The following SETD3 variants were observed in gnomAD, a reference collection of about 807,000 sequenced individuals.
The protein encoded by SETD3 is SET domain containing 3, actin N3(tau)-histidine methyltransferase.
A neutral mutation model predicts 63.0 loss-of-function variants in SETD3; 19 were observed. That is an observed-to-expected ratio of 0.30 (90% CI 0.21 to 0.44). The LOEUF is 0.44. Ranked by LOEUF, SETD3 falls within the 20% of genes least tolerant of loss-of-function variation. SETD3 has a pLI of 1.00. For missense variants in SETD3, 587 were observed against 728.5 expected (o/e 0.81, Z 2.24); for synonymous variants, 286 against 264.1 (o/e 1.08, Z -0.80).
intron 6 of SETD3, among the ~76,000 whole-genome samples, chr14:99,449,710 T>C (rs1015483180): frequency 4.6e-5 from 7 of 152,216 alleles, no homozygotes; most frequent in African/African-American, 1.7e-4. Context: ...CTGGTGAAAT[T>C]CAAACAAGGT....
chr14:99,424,115 T>C (rs527800839), intron 6 of SETD3, among the ~76,000 whole-genome samples: 32 of 152,328 alleles, frequency 2.1e-4, no homozygotes, highest in African/African-American at 7.5e-4. Flanking sequence ...AATTATTAAA[T>C]TGTCCACCTG....
At chr14:99,472,031 C>T (rs368663534) in intron 1 of SETD3, among the ~76,000 whole-genome samples, 5 of 152,340 alleles carry the variant, frequency 3.3e-5, no homozygotes, top group South Asian at 4.1e-4. Flanking sequence ...TGAAATCCTG[C>T]ATTAGCTCCA....
chr14:99,449,158 C>T (rs1238044829), intron 6 of SETD3, among the ~76,000 whole-genome samples: 1 of 152,014 alleles, frequency 6.6e-6, no homozygotes, highest in African/African-American at 2.4e-5. Context: ...TAGTAAAATC[C>T]CAATGAATGC....
chr14:99,453,903 T>C (rs902287784), intron 6 of SETD3, among the ~76,000 whole-genome samples: 2 of 152,284 alleles, frequency 1.3e-5, no homozygotes, highest in Non-Finnish European at 2.9e-5. Context: ...TTACCCATGT[T>C]AAGTGACTGT....
In SETD3 at chr14:99,414,150, T is replaced by G. The variant is rs115966955; in HGVS notation, c.676-216A>C. ...TGTTGTGCCCAGCAGCCGCCATAAATCTGCTTCTTCATATTTCGATACTAG... is the reference window on the plus strand; with the variant it reads ...TGTTGTGCCCAGCAGCCGCCATAAAGCTGCTTCTTCATATTTCGATACTAG... On this transcript the variant is annotated intron_variant, in intron 6 of 12. Transcript: ENST00000331768. Among the ~76,000 whole-genome samples the G allele has an allele frequency of 5.8e-3, 883 of 152,362 alleles. 9 individuals are homozygous for G. Among genetic ancestry groups the G allele is most frequent in the African/African-American group, 0.02 (847 of 41,580 alleles).
intron 6 of SETD3, among the ~76,000 whole-genome samples, chr14:99,442,909 T>A (rs1047369189): frequency 1.3e-5 from 2 of 152,114 alleles, no homozygotes; most frequent in South Asian, 2.1e-4. Context: ...CCCAGGTGCA[T>A]CTCTAAGACA....
At chr14:99,418,097 T>C (rs529543472) in intron 6 of SETD3, among the ~76,000 whole-genome samples, 1 of 152,348 alleles carries the variant, frequency 6.6e-6, no homozygotes, top group South Asian at 2.1e-4. Context: ...GAAATGACTC[T>C]TCTAAATACT....
At position 99,401,391 on chromosome 14, in the gene SETD3, A is replaced by G. The variant is rs1168471914; in HGVS notation, c.1178-1132T>C. Among the ~76,000 whole-genome samples, 5 of 152,254 alleles carry G rather than the reference A, an allele frequency of 3.3e-5. No homozygotes were observed. In the South Asian group the frequency reaches 8.3e-4, roughly 25 times the overall value. On this transcript the variant is annotated intron_variant, in intron 11 of 12. Transcript: ENST00000331768. Reference sequence around the variant, plus strand: ...CATGCTTCTTATGTGATTAGGAGACAGTGTCTCTTTCAGAGCAAAATGCCC... The same window carrying G: ...CATGCTTCTTATGTGATTAGGAGACGGTGTCTCTTTCAGAGCAAAATGCCC...
rs1356809646 is a variant in SETD3 at position 99,427,719 on chromosome 14, G to T, written c.676-13785C>A. ...GTGTCTGCTGCGTGCAAGGCATTGT[G>T]GGGGGACAATGAGCAAGATGAGTTC... On this transcript the variant is annotated intron_variant, in intron 6 of 12. Transcript: ENST00000331768. Among the ~76,000 whole-genome samples, 12 of 152,262 alleles carry T rather than the reference G, an allele frequency of 7.9e-5. 1 individual carries two copies. The South Asian group carries it at 1.2e-3, about 16-fold the overall frequency.
At chr14:99,421,301 T>C (rs1308241890) in intron 6 of SETD3, among the ~76,000 whole-genome samples, 1 of 152,116 alleles carries the variant, frequency 6.6e-6, no homozygotes, top group African/African-American at 2.4e-5. Context: ...AATTATGTAT[T>C]ATCACCAGTT....
intron 6 of SETD3, among the ~76,000 whole-genome samples, chr14:99,431,627 A>G (rs1329488016): frequency 6.6e-6 from 1 of 151,822 alleles, no homozygotes. Flanking sequence ...AGTAGGTGGG[A>G]TTACAGGTGC....
chr14:99,438,697 G>A lies in SETD3; in HGVS notation c.675+19582C>T, dbSNP rs547192256. Among the ~76,000 whole-genome samples the A allele has an allele frequency of 1.3e-3, 205 of 152,144 alleles. 1 individual carries two copies. Among genetic ancestry groups the A allele is most frequent in the African/African-American group, 4.8e-3 (199 of 41,514 alleles). ...CCTCCAAACCGTCCACCTCCCTGCC[G>A]CTGGGGTTGTCATTAAGCAAGCAAC... On this transcript the variant is annotated intron_variant, in intron 6 of 12. Coordinates refer to ENST00000331768, the MANE Select transcript of SETD3 (RefSeq NM_032233.3).
upstream of SETD3, among the ~76,000 whole-genome samples, chr14:99,482,851 A>G (rs1363869924): frequency 3.3e-5 from 4 of 122,760 alleles, no homozygotes; most frequent in Admixed American, 1.8e-4. Context: ...TATATTTGAA[A>G]GCAGTGACTC....
intron 1 of SETD3, among the ~76,000 whole-genome samples, chr14:99,479,304 G>A (rs1193820867): frequency 6.6e-6 from 1 of 152,112 alleles, no homozygotes; most frequent in Admixed American, 6.6e-5. Flanking sequence ...TTCTTAGGCC[G>A]AAGAAAAACT....
rs199911381 is a variant in SETD3 at position 99,458,367 on chromosome 14, T to C, written c.587A>G (p.Tyr196Cys). Residue 196 changes from tyrosine to cysteine, a missense_variant, in exon 6 of 13, where the codon TAT becomes TGT. By Grantham distance (194) the Tyr-to-Cys change is radical. Coordinates refer to ENST00000331768, the MANE Select transcript of SETD3 (RefSeq NM_032233.3). ...ATGTATAGCTTGTGTGGACTGAAGA[T>C]ACCGAACTTCATCTTCTTCAAAGTA... ...PLYFEEDEVR[Y>C]LQSTQAIHDV... The C allele has an allele frequency of 2.2e-4, 353 of 1,614,168 alleles. No individual in the cohort carries two copies. The highest frequency in any genetic ancestry group is 2.9e-4 in the Non-Finnish European group (343 of 1,180,016).
At chr14:99,422,860 T>A (rs1046676111) in intron 6 of SETD3, among the ~76,000 whole-genome samples, 2 of 152,102 alleles carry the variant, frequency 1.3e-5, no homozygotes, top group Non-Finnish European at 2.9e-5. Context: ...CCTTCCCCCA[T>A]CAAAGGCTCA....
In SETD3 at chr14:99,455,275, G is replaced by A. The variant is rs72704573; in HGVS notation, c.675+3004C>T. 3.9e-3 allele frequency among the ~76,000 whole-genome samples: 592 copies of A among 152,254 alleles called. 2 individuals carry two copies. The highest frequency in any genetic ancestry group is 6.5e-3 in the Non-Finnish European group (443 of 68,028). ...TCCTGTGAAGTCCCCCAGCTAACAC[G>A]GAGAACTGACCCCACCCCATCATGC... On this transcript the variant is annotated intron_variant, in intron 6 of 12. Transcript: ENST00000331768.
chr14:99,418,074 A>G (rs1019535761), intron 6 of SETD3, among the ~76,000 whole-genome samples: 1 of 152,226 alleles, frequency 6.6e-6, no homozygotes, highest in Non-Finnish European at 1.5e-5. Flanking sequence ...TACAAAAAGG[A>G]AAGTTGCTCA....
intron 6 of SETD3, among the ~76,000 whole-genome samples, chr14:99,430,806 G>C (rs1342070804): frequency 2.0e-5 from 3 of 152,148 alleles, no homozygotes; most frequent in African/African-American, 7.2e-5. Context: ...GCCCACAAAG[G>C]GCTGGCAACC....
Sources: gnomAD v4.1 joint callset for allele counts (sites outside exome capture counted in the v4.1 genomes callset) on GRCh38, gnomAD v4.1.1 for gene constraint, MANE v1.5 for transcripts, NCBI Gene and HGNC (gene_info 2026-07-23, HGNC 2026-07-21) for gene names.